The following ADGRB3 variants were observed in gnomAD, a reference collection of about 807,000 sequenced individuals.
ADGRB3 encodes adhesion G protein-coupled receptor B3.
A neutral mutation model predicts 193.4 loss-of-function variants in ADGRB3; 37 were observed. That is an observed-to-expected ratio of 0.19 (90% CI 0.15 to 0.25). The LOEUF (loss-of-function observed/expected upper bound fraction) is 0.25. Among genes scored for constraint, ADGRB3 ranks in the 10% least tolerant of loss-of-function variants. The pLI, the probability that ADGRB3 is intolerant of heterozygous loss-of-function variation, is 1.00. For synonymous variants in ADGRB3, 690 were observed against 644.2 expected, an observed-to-expected ratio of 1.07 and a Z score of -1.08; for missense variants, 1,637 against 1,852.9, an observed-to-expected ratio of 0.88 and a Z score of 2.14.
rs760914107 is a variant in ADGRB3 at position 68,639,203 on chromosome 6, G to A, written c.528G>A (p.Glu176=). 5 of 1,614,052 alleles carry A rather than the reference G, an allele frequency of 3.1e-6. No homozygotes were observed. Among genetic ancestry groups the A allele is most frequent in the Non-Finnish European group, 3.4e-6 (4 of 1,180,034 alleles). Residue 176 remains glutamate, a synonymous_variant, in exon 3 of 32, where the codon GAG becomes GAA. Coordinates refer to ENST00000370598, the MANE Select transcript of ADGRB3 (RefSeq NM_001704.3). ...FGCHVLCTWL[E]SCLKSENGRT... is the part of the protein sequence containing the mutation. ...GCCATGTATTATGTACTTGGTTGGA[G>A]AGCTGCTTAAAATCAGAAAATGGGA...
At chr6:68,812,631 T>C (rs1270437579) in intron 3 of ADGRB3, among the ~76,000 whole-genome samples, 1 of 152,184 alleles carries the variant, frequency 6.6e-6, no homozygotes, top group Non-Finnish European at 1.5e-5. Flanking sequence ...TAACTGTGAA[T>C]GTTGCTTCTA....
chr6:69,167,907 C>T (rs575496701), intron 17 of ADGRB3, among the ~76,000 whole-genome samples: 1 of 152,128 alleles, frequency 6.6e-6, no homozygotes, highest in East Asian at 1.9e-4. Context: ...ATGAGTTTCC[C>T]ACAACAATGG....
intron 10 of ADGRB3, among the ~76,000 whole-genome samples, chr6:68,992,242 A>G (rs1180697233): frequency 6.6e-6 from 1 of 152,196 alleles, no homozygotes; most frequent in Non-Finnish European, 1.5e-5. Context: ...ATGGAAGAAA[A>G]GAGGGTAGAA....
rs146142447 is a variant in ADGRB3 at position 69,084,824 on chromosome 6, G to C, written c.2480+8786G>C. Among the ~76,000 whole-genome samples, 1,428 of 152,166 alleles carry C rather than the reference G, an allele frequency of 9.4e-3. 25 individuals carry two copies. The highest frequency in any genetic ancestry group is 0.033 in the African/African-American group (1,363 of 41,524). ...CCTATGGCATGGAGGTGAATGATAA[G>C]AATCAACAAAAAAGTTCTCTAACAA... On this transcript the variant is annotated intron_variant, in intron 17 of 31. Coordinates refer to ENST00000370598, the MANE Select transcript of ADGRB3 (RefSeq NM_001704.3).
intron 3 of ADGRB3, among the ~76,000 whole-genome samples, chr6:68,650,711 C>T (rs2802693): frequency 0.51 from 76,876 of 151,872 alleles, 19,665 homozygotes; most frequent in Admixed American, 0.56. Context: ...CGTTTTATTC[C>T]GGAAAACAAT....
intron 17 of ADGRB3, among the ~76,000 whole-genome samples, chr6:69,145,014 G>T (rs1774446024): frequency 6.6e-6 from 1 of 152,010 alleles, no homozygotes; most frequent in African/African-American, 2.4e-5. Context: ...ACATTGTTTG[G>T]AATAGTTTGA....
chr6:68,981,669 G>C (rs1005563119), intron 10 of ADGRB3, among the ~76,000 whole-genome samples: 2 of 151,340 alleles, frequency 1.3e-5, no homozygotes, highest in African/African-American at 4.8e-5. Context: ...GCTACAGACA[G>C]TAAATAACAA....
chr6:69,038,432 G>T (rs1300915366), intron 13 of ADGRB3, among the ~76,000 whole-genome samples: 1 of 122,802 alleles, frequency 8.1e-6, no homozygotes, highest in African/African-American at 3.1e-5. Context: ...TCTTTCCTCT[G>T]CAGGAATGCT....
At chr6:69,097,946 C>A (rs988588516) in intron 17 of ADGRB3, among the ~76,000 whole-genome samples, 1 of 151,892 alleles carries the variant, frequency 6.6e-6, no homozygotes, top group African/African-American at 2.4e-5. Context: ...GTATGAAAAC[C>A]AGATATTCTG....
chr6:69,025,987 G>T (rs2150290703), intron 13 of ADGRB3, among the ~76,000 whole-genome samples: 1 of 152,294 alleles, frequency 6.6e-6, no homozygotes, highest in East Asian at 1.9e-4. Flanking sequence ...CCAGGTTGAG[G>T]TGCTTCCTAG....
At chr6:68,964,404 T>C (rs1161031757) in intron 8 of ADGRB3, among the ~76,000 whole-genome samples, 1 of 152,152 alleles carries the variant, frequency 6.6e-6, no homozygotes, top group Non-Finnish European at 1.5e-5. Flanking sequence ...CTGTGGCTAG[T>C]GGTCTCCAGT....
At chr6:68,661,047 T>C (rs1171630921) in intron 3 of ADGRB3, among the ~76,000 whole-genome samples, 2 of 150,482 alleles carry the variant, frequency 1.3e-5, no homozygotes, top group African/African-American at 2.4e-5. Context: ...TAGTATACTA[T>C]GAGTTCAATG....
chr6:69,263,978 A>G (rs949121495), intron 20 of ADGRB3, among the ~76,000 whole-genome samples: 3 of 151,962 alleles, frequency 2.0e-5, no homozygotes, highest in South Asian at 4.1e-4. Flanking sequence ...TACTCAGTAC[A>G]TATCCTTACA....
intron 3 of ADGRB3, among the ~76,000 whole-genome samples, chr6:68,900,738 A>T (rs1021037637): frequency 1.2e-4 from 19 of 152,068 alleles, no homozygotes; most frequent in African/African-American, 4.1e-4. Flanking sequence ...AGCCTCAGAG[A>T]CCAACACTGG....
chr6:68,827,215 G>A (rs1767861353), intron 3 of ADGRB3, among the ~76,000 whole-genome samples: 3 of 152,094 alleles, frequency 2.0e-5, no homozygotes, highest in African/African-American at 7.2e-5. Context: ...CATGTTAAGT[G>A]TGGTGTCCTG....
intron 29 of ADGRB3, among the ~76,000 whole-genome samples, chr6:69,372,103 T>C (rs1466624471): frequency 6.6e-6 from 1 of 152,062 alleles, no homozygotes; most frequent in African/African-American, 2.4e-5. Flanking sequence ...TGAGTTTTCA[T>C]AGGAACATTT....
intron 17 of ADGRB3, among the ~76,000 whole-genome samples, chr6:69,092,465 AC>A (rs1772736773): frequency 6.6e-6 from 1 of 152,154 alleles, no homozygotes; most frequent in African/African-American, 2.4e-5. Context: ...CCCCGTCCCC[AC>A]CCTATTCCAA....
rs555294038 is a variant in ADGRB3 at position 68,657,429 on chromosome 6, A to G, written c.757+17997A>G. Reference sequence around the variant, plus strand: ...TTTACATCAGTAAAAATTTTTAAACAGACGAAAATATGGAAACGTGTTAAC... The same window carrying G: ...TTTACATCAGTAAAAATTTTTAAACGGACGAAAATATGGAAACGTGTTAAC... On this transcript the variant is annotated intron_variant, in intron 3 of 31. Transcript: ENST00000370598. Among the ~76,000 whole-genome samples, 3 of 151,608 alleles carry G rather than the reference A, an allele frequency of 2.0e-5. No individual in the cohort carries two copies. The South Asian group carries it at 6.2e-4, about 31-fold the overall frequency.
rs763810312 is a variant in ADGRB3 at position 68,975,300 on chromosome 6, C to A, written c.1694C>A (p.Ala565Glu). ...GCCTTCTGGGAACAGCCGAGCTTTGCAAGATGCATATCAAATGAGTACAGA... is the reference window on the plus strand; with the variant it reads ...GCCTTCTGGGAACAGCCGAGCTTTGAAAGATGCATATCAAATGAGTACAGA... ...GVAFWEQPSF[A>E]RCISNEYRHL... Residue 565 changes from alanine to glutamate, a missense_variant, in exon 10 of 32, where the codon GCA becomes GAA. Transcript: ENST00000370598. 6.2e-7 allele frequency: 1 copy of A among 1,614,070 alleles called. No homozygotes were observed. The highest frequency in any genetic ancestry group is 8.5e-7 in the Non-Finnish European group (1 of 1,179,952).
Sources: allele counts gnomAD v4.1 joint callset (sites outside exome capture counted in the v4.1 genomes callset), GRCh38; gene constraint gnomAD v4.1.1; transcripts MANE v1.5; gene names NCBI Gene and HGNC (gene_info 2026-07-23, HGNC 2026-07-21).